MZT2B: variants seen among roughly 807,000 people sequenced by gnomAD.
MZT2B encodes mitotic spindle organizing protein 2B.
MZT2B carries 11 observed loss-of-function variants against 12.1 expected under a neutral mutation model. The ratio of observed to expected loss-of-function variants is 0.91; its 90% CI spans 0.57 to 1.50. The LOEUF is 1.50. Among genes scored for constraint, MZT2B ranks in the 40% most tolerant of loss-of-function variants. The probability of loss-of-function intolerance (pLI) is 0.00; values close to 1 mark genes in which losing one functional copy is unlikely to be tolerated. For missense variants in MZT2B, 209 were observed against 227.7 expected (o/e 0.92, Z 0.53); for synonymous variants, 85 against 109.5 (o/e 0.78, Z 1.40).
chr2:130,199,762 C>T, the MZT2B span, among the ~76,000 whole-genome samples: 13 of 108,776 alleles, frequency 1.2e-4, 4 homozygotes, highest in Admixed American at 2.2e-4. Context: ...CCTCCTACCT[C>T]GGCTGGCCTA....
the MZT2B span, among the ~76,000 whole-genome samples, chr2:130,204,670 A>G: frequency 0.39 from 55,277 of 141,310 alleles, 10,355 homozygotes; most frequent in Admixed American, 0.45. Flanking sequence ...CAGCCTGGGC[A>G]TCAAGAGCAA....
At chr2:130,198,853 C>G in the MZT2B span, among the ~76,000 whole-genome samples, 22 of 121,700 alleles carry the variant, frequency 1.8e-4, no homozygotes, top group African/African-American at 5.1e-4. Context: ...GCAATTATCC[C>G]CCTCTTCCCT....
downstream of MZT2B, among the ~76,000 whole-genome samples, chr2:130,193,410 A>G (rs1267799356): frequency 6.6e-6 from 1 of 151,654 alleles, no homozygotes. Context: ...GGAGTTCAAG[A>G]CCAACCTGTC....
the MZT2B span, chr2:130,196,087 G>A: frequency 6.9e-7 from 1 of 1,457,924 alleles, no homozygotes; most frequent in Non-Finnish European, 9.3e-7. Context: ...AGCCCACACG[G>A]GGCTTTACCA....
At chr2:130,198,623 C>T in the MZT2B span, among the ~76,000 whole-genome samples, 1 of 123,806 alleles carries the variant, frequency 8.1e-6, no homozygotes, top group African/African-American at 2.9e-5. Context: ...TCATCAAAGG[C>T]TGCGCGGTTG....
At chr2:130,202,240 C>T in the MZT2B span, 1 of 1,144,330 alleles carries the variant, frequency 8.7e-7, no homozygotes, top group Non-Finnish European at 1.1e-6. Flanking sequence ...TAAATCATTT[C>T]AATAAGTCAG....
intron 2 of MZT2B, chr2:130,183,823 C>G (rs916545989): frequency 2.6e-6 from 4 of 1,550,706 alleles, no homozygotes; most frequent in Non-Finnish European, 3.5e-6. Context: ...AGTAGCCCCC[C>G]TGCAAGGCCC....
chr2:130,185,729 C>T lies in MZT2B; in HGVS notation c.319+2954C>T, dbSNP rs1304977391. Among the ~76,000 whole-genome samples the T allele has an allele frequency of 4.6e-5, 6 of 129,636 alleles. 1 individual carries two copies. Among genetic ancestry groups the T allele is most frequent in the African/African-American group, 1.8e-4 (6 of 33,602 alleles). 85.0% of individuals were successfully genotyped at this position (129,636 alleles called of 152,430 possible). On this transcript the variant is annotated intron_variant, in intron 2 of 2. Transcript: ENST00000281871. ...GTCAAGATGTATGTGAGGGTTGTGG[C>T]ACTGGAAATGCAGGCATAGAGGGGC... is the stretch of plus-strand genomic sequence containing the variant.
At chr2:130,189,104 G>A (rs1442887063) in intron 2 of MZT2B, among the ~76,000 whole-genome samples, 1 of 152,092 alleles carries the variant, frequency 6.6e-6, no homozygotes, top group African/African-American at 2.4e-5. Context: ...GATTCCAAAG[G>A]AAGAAACACT....
intron 2 of MZT2B, among the ~76,000 whole-genome samples, chr2:130,186,069 CAT>C (rs1690049054): frequency 1.3e-5 from 2 of 151,976 alleles, no homozygotes; most frequent in Admixed American, 6.6e-5. Flanking sequence ...CTGAGGCCCA[CAT>C]GTTACAGCAT....
downstream of MZT2B, chr2:130,191,734 A>G (rs927762597): frequency 1.3e-6 from 2 of 1,537,414 alleles, no homozygotes; most frequent in African/African-American, 1.4e-5. Context: ...GCTGCATGAC[A>G]CTCAGAGGTC....
At chr2:130,195,194 A>C (rs6760929), downstream of MZT2B, 96 of 1,614,010 alleles carry the variant, frequency 5.9e-5, no homozygotes, top group African/African-American at 1.2e-3. Context: ...CTCTGGGTGG[A>C]AGAGCTGCCT....
chr2:130,193,069 G>T (rs1296607134), downstream of MZT2B, among the ~76,000 whole-genome samples: 1 of 147,816 alleles, frequency 6.8e-6, no homozygotes, highest in African/African-American at 2.5e-5. Context: ...TTCCAACCTG[G>T]ACGACAGAGC....
At chr2:130,203,151 T>C in the MZT2B span, among the ~76,000 whole-genome samples, 55,328 of 149,818 alleles carry the variant, frequency 0.37, 9,780 homozygotes, top group Admixed American at 0.45. Context: ...AATACATTCA[T>C]TTATACACTG....
At chr2:130,198,065 C>G in the MZT2B span, among the ~76,000 whole-genome samples, 1 of 123,390 alleles carries the variant, frequency 8.1e-6, no homozygotes, top group Non-Finnish European at 1.8e-5. Flanking sequence ...GCGGGAGCAG[C>G]GCCCTCCTGT....
the MZT2B span, chr2:130,204,100 T>C: frequency 7.7e-7 from 1 of 1,290,800 alleles, no homozygotes; most frequent in African/African-American, 1.5e-5. Flanking sequence ...TAATATAGTG[T>C]AAGACTAAAT....
At chr2:130,183,979 G>A in intron 2 of MZT2B, 1 of 1,550,448 alleles carries the variant, frequency 6.4e-7, no homozygotes, top group South Asian at 1.2e-5. Context: ...TGCGTTTATT[G>A]GCTTATCTCT....
At chr2:130,186,421 A>G (rs920059289) in intron 2 of MZT2B, among the ~76,000 whole-genome samples, 11 of 152,228 alleles carry the variant, frequency 7.2e-5, no homozygotes, top group Non-Finnish European at 1.3e-4. Flanking sequence ...GGAGTCATTG[A>G]GGGAAAAATA....
the MZT2B span, among the ~76,000 whole-genome samples, chr2:130,201,895 C>A: frequency 1.3e-5 from 2 of 152,062 alleles, no homozygotes; most frequent in Non-Finnish European, 2.9e-5. Flanking sequence ...AGAAAAGCTA[C>A]GGGAAAAATA....
Sources: allele counts gnomAD v4.1 joint callset (sites outside exome capture counted in the v4.1 genomes callset), GRCh38; gene constraint gnomAD v4.1.1; transcripts MANE v1.5; gene names NCBI Gene and HGNC (gene_info 2026-07-23, HGNC 2026-07-21).